Variants in ARHGAP28 observed in about 807,000 individuals in gnomAD.
ARHGAP28 encodes the protein rho GTPase-activating protein 28.
A neutral mutation model predicts 90.7 loss-of-function variants in ARHGAP28; 56 were observed. The ratio of observed to expected loss-of-function variants is 0.62; its 90% CI spans 0.50 to 0.77. ARHGAP28 has a LOEUF of 0.77. Ranked by LOEUF, ARHGAP28 falls within the 30% of genes least tolerant of loss-of-function variation. The probability of loss-of-function intolerance (pLI) is 0.00; values close to 1 mark genes in which losing one functional copy is unlikely to be tolerated. For missense variants in ARHGAP28, 869 were observed against 900.9 expected, an observed-to-expected ratio of 0.96 and a Z score of 0.45; for synonymous variants, 308 against 323.3, an observed-to-expected ratio of 0.95 and a Z score of 0.51.
intron 3 of ARHGAP28, among the ~76,000 whole-genome samples, chr18:6,837,690 G>A (rs1297994616): frequency 6.6e-6 from 1 of 152,126 alleles, no homozygotes; most frequent in African/African-American, 2.4e-5. Context: ...ACAAGTCTTT[G>A]TGGGTAGGAT....
chr18:6,801,594 G>T (rs548893326), intron 1 of ARHGAP28, among the ~76,000 whole-genome samples: 57 of 152,080 alleles, frequency 3.7e-4, no homozygotes, highest in African/African-American at 1.3e-3. Context: ...TGATCAACTT[G>T]GGGAGAATTG....
intron 1 of ARHGAP28, among the ~76,000 whole-genome samples, chr18:6,738,020 GA>G (rs972669443): frequency 6.6e-6 from 1 of 152,152 alleles, no homozygotes; most frequent in African/African-American, 2.4e-5. Flanking sequence ...ATGTTATTCT[GA>G]AAAGCTAATT....
intron 1 of ARHGAP28, among the ~76,000 whole-genome samples, chr18:6,787,695 C>T (rs1440873303): frequency 6.6e-6 from 1 of 152,110 alleles, no homozygotes; most frequent in Non-Finnish European, 1.5e-5. Context: ...ATAGGTGTCC[C>T]CATGGGTGTT....
chr18:6,820,979 A>G (rs1234264216), intron 1 of ARHGAP28, among the ~76,000 whole-genome samples: 1 of 152,202 alleles, frequency 6.6e-6, no homozygotes, highest in African/African-American at 2.4e-5. Context: ...AAACTCTAGA[A>G]AAGATAAATT....
chr18:6,747,921 C>T (rs1331848492), intron 1 of ARHGAP28, among the ~76,000 whole-genome samples: 1 of 152,190 alleles, frequency 6.6e-6, no homozygotes, highest in Non-Finnish European at 1.5e-5. Context: ...ACCAAAGGCA[C>T]ATGGGGTAAG....
At chr18:6,890,751 A>G (rs1175173829) in intron 14 of ARHGAP28, among the ~76,000 whole-genome samples, 2 of 152,190 alleles carry the variant, frequency 1.3e-5, no homozygotes, top group Non-Finnish European at 2.9e-5. Context: ...CTTTTTGGTT[A>G]AAGTTCTTGA....
intron 1 of ARHGAP28, among the ~76,000 whole-genome samples, chr18:6,767,904 C>T (rs1015466678): frequency 6.6e-6 from 1 of 152,050 alleles, no homozygotes; most frequent in Non-Finnish European, 1.5e-5. Context: ...ATCAGTTCCC[C>T]GTCCCAATCC....
intron 1 of ARHGAP28, among the ~76,000 whole-genome samples, chr18:6,810,420 C>G (rs569811177): frequency 2.0e-5 from 3 of 152,134 alleles, no homozygotes; most frequent in Admixed American, 6.5e-5. Context: ...TTGTCTTGAG[C>G]AGTTTCATTG....
intron 10 of ARHGAP28, among the ~76,000 whole-genome samples, chr18:6,881,883 T>G (rs1467356294): frequency 1.3e-5 from 2 of 152,206 alleles, no homozygotes; most frequent in African/African-American, 4.8e-5. Context: ...AGTAGAGAAC[T>G]TCTATATTTG....
intron 1 of ARHGAP28, 38 bp downstream of exon 1, chr18:6,729,981 G>A: frequency 2.3e-6 from 3 of 1,318,970 alleles, no homozygotes; most frequent in Non-Finnish European, 2.9e-6. Context: ...GCGCAGTCGC[G>A]CTGGGCTTGG....
chr18:6,782,788 A>C (rs942970356), intron 1 of ARHGAP28, among the ~76,000 whole-genome samples: 1 of 151,422 alleles, frequency 6.6e-6, no homozygotes, highest in Non-Finnish European at 1.5e-5. Flanking sequence ...ATACAATTAT[A>C]TAATTGTATA....
intron 1 of ARHGAP28, among the ~76,000 whole-genome samples, chr18:6,757,163 C>T (rs984651565): frequency 6.6e-6 from 1 of 152,094 alleles, no homozygotes; most frequent in African/African-American, 2.4e-5. Flanking sequence ...AAGAATATGA[C>T]CTGCTTAATA....
At chr18:6,859,948 A>C (rs1182658407) in intron 5 of ARHGAP28, 51 bp downstream of exon 5, 2 of 1,468,658 alleles carry the variant, frequency 1.4e-6, no homozygotes, top group Non-Finnish European at 1.9e-6. Context: ...GTTGCAAGTC[A>C]AAGCAACTAA....
intron 1 of ARHGAP28, among the ~76,000 whole-genome samples, chr18:6,735,731 T>G (rs967193427): frequency 6.6e-6 from 1 of 152,032 alleles, no homozygotes; most frequent in Non-Finnish European, 1.5e-5. Context: ...ATTTTTGTAT[T>G]TTTTGTGGAG....
At chr18:6,811,586 G>A (rs778050944) in intron 1 of ARHGAP28, among the ~76,000 whole-genome samples, 1 of 152,156 alleles carries the variant, frequency 6.6e-6, no homozygotes, top group South Asian at 2.1e-4. Context: ...GTGTTCAGAA[G>A]TGCAGAGGGC....
At chr18:6,787,684 C>T (rs1600184215) in intron 1 of ARHGAP28, among the ~76,000 whole-genome samples, 1 of 152,186 alleles carries the variant, frequency 6.6e-6, no homozygotes, top group East Asian at 1.9e-4. Context: ...GTTGGCTTTC[C>T]ATAGGTGTCC....
At chr18:6,816,684 A>T (rs541773126) in intron 1 of ARHGAP28, among the ~76,000 whole-genome samples, 7 of 152,268 alleles carry the variant, frequency 4.6e-5, no homozygotes, top group Admixed American at 2.6e-4. Context: ...TTCCCTGTAC[A>T]TGTAGGTGGG....
chr18:6,861,071 C>T lies in ARHGAP28; in HGVS notation c.726+1174C>T, dbSNP rs150144635. 1.8e-3 allele frequency among the ~76,000 whole-genome samples: 280 copies of T among 152,288 alleles called. 1 individual carries two copies. Among genetic ancestry groups the T allele is most frequent in the African/African-American group, 6.4e-3 (264 of 41,558 alleles). ...TCATTCACAAAGTCTGGTAACTGTT[C>T]GAATAAGGAGTGACCTGCAGTAGAT... On this transcript the variant is annotated intron_variant, in intron 5 of 17. Coordinates refer to ENST00000383472, the MANE Select transcript of ARHGAP28 (RefSeq NM_001366230.1).
chr18:6,894,844 C>T lies in ARHGAP28; in HGVS notation c.1858C>T (p.Pro620Ser), dbSNP rs757656104. The change falls in exon 15 of 18, where the codon CCC becomes TCC. Residue 620 changes from proline (P) to serine (S), a missense_variant. Coordinates refer to ENST00000383472, the MANE Select transcript of ARHGAP28 (RefSeq NM_001366230.1). The part of the protein sequence containing the change: ...RKTLERETAS[P>S]KTSKVLQKSP... ...ACTGTGTTTCTTTTAGACTGCAAGC[C>T]CCAAGACTTCAAAGGTACTGCAAAA... 6.2e-7 allele frequency: 1 copy of T among 1,613,880 alleles called. No individual in the cohort carries two copies. Among genetic ancestry groups the T allele is most frequent in the African/African-American group, 1.3e-5 (1 of 74,888 alleles).
Sources: allele counts gnomAD v4.1 joint callset (sites outside exome capture counted in the v4.1 genomes callset), GRCh38; gene constraint gnomAD v4.1.1; transcripts MANE v1.5; gene names NCBI Gene and HGNC (gene_info 2026-07-23, HGNC 2026-07-21).